CDKL2: variants seen among roughly 807,000 people sequenced by gnomAD.
The protein encoded by CDKL2 is cyclin-dependent kinase-like 2.
Under a neutral mutation model 63.9 loss-of-function variants are expected in CDKL2, and 64 were observed. The observed-to-expected ratio is 1.00, with a 90% CI of 0.82 to 1.23. The LOEUF (loss-of-function observed/expected upper bound fraction) is 1.23. CDKL2 is among the 50% of genes most tolerant of loss of function. The pLI is 0.00. For synonymous variants in CDKL2, 211 were observed against 229.2 expected (o/e 0.92, Z 0.72); for missense variants, 656 against 668.0 (o/e 0.98, Z 0.20).
intron 12 of CDKL2, among the ~76,000 whole-genome samples, chr4:75,582,700 A>T (rs745389572): frequency 2.0e-5 from 3 of 152,178 alleles, no homozygotes; most frequent in Non-Finnish European, 4.4e-5. Flanking sequence ...GCAAACCCCA[A>T]ACAGGACAGA....
At chr4:75,607,713 C>CT (rs1488364752) in intron 3 of CDKL2, among the ~76,000 whole-genome samples, 2 of 151,946 alleles carry the variant, frequency 1.3e-5, no homozygotes, top group Non-Finnish European at 2.9e-5. Context: ...GTCTTTAATA[C>CT]TAAGTATGAC....
At chr4:75,628,736 C>G (rs948330797) in intron 1 of CDKL2, among the ~76,000 whole-genome samples, 2 of 152,172 alleles carry the variant, frequency 1.3e-5, no homozygotes, top group African/African-American at 4.8e-5. Context: ...TCTATTGGAA[C>G]AGTGATGCAA....
chr4:75,596,322 C>A lies in CDKL2; in HGVS notation c.1341G>T (p.Lys447Asn), dbSNP rs979993571. 1.2e-6 allele frequency: 2 copies of A among 1,607,838 alleles called. No homozygotes were observed. Among genetic ancestry groups the A allele is most frequent in the Non-Finnish European group, 1.7e-6 (2 of 1,174,502 alleles). Residue 447 changes from lysine (K) to asparagine (N), a missense_variant, in exon 10 of 14, where the codon AAG (lysine) becomes AAT (asparagine). Coordinates refer to ENST00000307465, the MANE Select transcript of CDKL2 (RefSeq NM_001330724.2). Reference protein sequence around the residue: ...IQGYRVDEKTKKCSIPFVKPN... With the variant: ...IQGYRVDEKTNKCSIPFVKPN... Reference sequence around the variant, plus strand: ...GTTTAACAAATGGAATAGAACACTTCTTAGTTTTCTCATCCACTCTGTAAC... The same window carrying A: ...GTTTAACAAATGGAATAGAACACTTATTAGTTTTCTCATCCACTCTGTAAC...
intron 2 of CDKL2, among the ~76,000 whole-genome samples, chr4:75,623,342 A>G (rs772954820): frequency 1.3e-5 from 2 of 152,208 alleles, no homozygotes; most frequent in Non-Finnish European, 2.9e-5. Context: ...TTAAACAAAT[A>G]GACCAATGGG....
intron 12 of CDKL2, among the ~76,000 whole-genome samples, chr4:75,583,649 C>T (rs960803190): frequency 1.4e-5 from 2 of 141,312 alleles, no homozygotes; most frequent in Non-Finnish European, 3.2e-5. Context: ...TTTGCCAAAG[C>T]GGTGGAAGCC....
intron 2 of CDKL2, among the ~76,000 whole-genome samples, chr4:75,625,336 A>G (rs1450600299): frequency 6.6e-6 from 1 of 152,172 alleles, no homozygotes; most frequent in Non-Finnish European, 1.5e-5. Flanking sequence ...ACAGAAATAT[A>G]CTTTTAAATA....
chr4:75,596,835 G>A, intron 9 of CDKL2, 100 bp downstream of exon 9: 3 of 1,024,804 alleles, frequency 2.9e-6, no homozygotes, highest in Non-Finnish European at 2.8e-6. Context: ...ATAGCATCCA[G>A]AATTCTGAGA....
intron 2 of CDKL2, among the ~76,000 whole-genome samples, chr4:75,622,004 G>A (rs1216838577): frequency 6.6e-6 from 1 of 152,156 alleles, no homozygotes; most frequent in African/African-American, 2.4e-5. Context: ...GTGGAGGGGA[G>A]AAAGGAGGGG....
At chr4:75,629,142 G>A (rs1480231225) in intron 1 of CDKL2, among the ~76,000 whole-genome samples, 1 of 151,762 alleles carries the variant, frequency 6.6e-6, no homozygotes, top group African/African-American at 2.4e-5. Flanking sequence ...CTTCCATTAA[G>A]AGAGTATGTT....
chr4:75,618,614 C>T (rs992398841), intron 2 of CDKL2, among the ~76,000 whole-genome samples: 4 of 151,810 alleles, frequency 2.6e-5, no homozygotes, highest in African/African-American at 9.7e-5. Flanking sequence ...ATATAAAAGG[C>T]TAAAACGACA....
chr4:75,602,170 T>G (rs6815446), intron 6 of CDKL2, among the ~76,000 whole-genome samples: 61,512 of 151,868 alleles, frequency 0.41, 13,225 homozygotes, highest in African/African-American at 0.51. Context: ...TTGTTTTTTT[T>G]TTGTTGTTGT....
Position 75,605,532 on chromosome 4 carries a change from C to T in CDKL2, c.645G>A (p.Met215Ile). The T allele has an allele frequency of 6.3e-7, 1 of 1,591,586 alleles. No individual in the cohort carries two copies. The highest frequency in any genetic ancestry group is 8.6e-7 in the Non-Finnish European group (1 of 1,160,022). The change falls in exon 5 of 14, where the codon ATG becomes ATA. Residue 215 changes from methionine (M) to isoleucine (I), a missense_variant. Met to Ile is a conservative substitution (Grantham distance 10, BLOSUM62 1). Transcript: ENST00000307465. ...GATGTGTAACCTTACCTAAACACATCATAATATGATATAGCTGATCAATAT... is the reference window on the plus strand; with the variant it reads ...GATGTGTAACCTTACCTAAACACATTATAATATGATATAGCTGATCAATAT... ...DSDIDQLYHI[M>I]MCLGNLIPRH...
chr4:75,626,700 G>A (rs1193774679), intron 1 of CDKL2, among the ~76,000 whole-genome samples: 1 of 148,738 alleles, frequency 6.7e-6, no homozygotes, highest in Non-Finnish European at 1.5e-5. Flanking sequence ...TCCAGCCTGG[G>A]CAACATACTG....
chr4:75,583,262 C>T (rs1728337113), intron 12 of CDKL2, among the ~76,000 whole-genome samples: 1 of 152,160 alleles, frequency 6.6e-6, no homozygotes, highest in South Asian at 2.1e-4. Context: ...ACTTAAAGTG[C>T]AAACTGGGAA....
chr4:75,588,212 C>A (rs1482987757), intron 12 of CDKL2, among the ~76,000 whole-genome samples: 2 of 141,992 alleles, frequency 1.4e-5, no homozygotes, highest in Non-Finnish European at 3.0e-5. Context: ...AAAACTCAGT[C>A]TCAAAAAAAA....
chr4:75,613,700 T>A (rs1729801252), intron 3 of CDKL2, among the ~76,000 whole-genome samples: 1 of 152,200 alleles, frequency 6.6e-6, no homozygotes, highest in South Asian at 2.1e-4. Flanking sequence ...GGTCTATACA[T>A]TTCTCAAAAT....
chr4:75,580,616 G>A (rs543387049), intron 13 of CDKL2, among the ~76,000 whole-genome samples: 4 of 151,358 alleles, frequency 2.6e-5, no homozygotes, highest in South Asian at 2.1e-4. Flanking sequence ...GCAGTGAGCC[G>A]AGATCACGCC....
At chr4:75,590,640 G>A (rs1728678049) in intron 12 of CDKL2, among the ~76,000 whole-genome samples, 1 of 152,002 alleles carries the variant, frequency 6.6e-6, no homozygotes, top group East Asian at 1.9e-4. Context: ...ACTTGAACCT[G>A]GGAGGCAAAG....
chr4:75,580,922 G>A (rs1387347891), intron 13 of CDKL2, among the ~76,000 whole-genome samples: 1 of 151,538 alleles, frequency 6.6e-6, no homozygotes, highest in Admixed American at 6.6e-5. Flanking sequence ...GGATGGTCTC[G>A]ATCTCCTGAC....
Sources: allele counts gnomAD v4.1 joint callset (sites outside exome capture counted in the v4.1 genomes callset), GRCh38; gene constraint gnomAD v4.1.1; transcripts MANE v1.5; gene names NCBI Gene and HGNC (gene_info 2026-07-23, HGNC 2026-07-21).